Variants in CELSR2 observed in about 807,000 individuals in gnomAD.
The protein encoded by CELSR2 is EGF-like protein 2.
CELSR2 carries 81 observed loss-of-function variants against 251.6 expected under a neutral mutation model. That is an observed-to-expected ratio of 0.32 (90% CI 0.27 to 0.39). The LOEUF (loss-of-function observed/expected upper bound fraction) is 0.39, where lower values mean the gene tolerates loss of function less well. Among genes scored for constraint, CELSR2 ranks in the 10% least tolerant of loss-of-function variants. CELSR2 has a pLI of 1.00. For synonymous variants in CELSR2, 1,721 were observed against 1,670.5 expected, an observed-to-expected ratio of 1.03 and a Z score of -0.74; for missense variants, 3,365 against 3,947.7, an observed-to-expected ratio of 0.85 and a Z score of 3.96.
rs932499934 is a variant in CELSR2, at chr1:109,250,006, C to T, written c.-74C>T. On this transcript the variant is annotated 5_prime_UTR_variant, in exon 1 of 34. Coordinates refer to ENST00000271332, the MANE Select transcript of CELSR2 (RefSeq NM_001408.3). This position sits in a 1 kb window ranked among gnomAD's most constrained non-coding sequence, Gnocchi z 4.4. Reference sequence around the variant, plus strand: ...GGCGCCCTGGCCCGGGCATGAGGCGCGGCGGGGCCGGCAGGAGCCGGAGGA... The same window carrying T: ...GGCGCCCTGGCCCGGGCATGAGGCGTGGCGGGGCCGGCAGGAGCCGGAGGA... 8.1e-7 allele frequency: 1 copy of T among 1,228,806 alleles called. No individual in the cohort carries two copies. The highest frequency in any genetic ancestry group is 1.0e-6 in the Non-Finnish European group (1 of 987,702). The allele number at this position is 1,228,806 out of a possible 1,614,324, so 76.1% of individuals were successfully genotyped here. A position where few individuals can be genotyped will look rare whatever the true frequency, so the allele number is the denominator to read the frequency against.
In CELSR2 at chr1:109,270,606, C is replaced by T. The variant is rs369567221; in HGVS notation, c.7483+6C>T. On this transcript the variant is annotated splice_donor_region_variant and intron_variant, in intron 24 of 33. Transcript: ENST00000271332. Reference sequence around the variant, plus strand: ...CGTGCCTGCCTTCATCACAGGTACTCCCACCCATTCCCAGTCTTGGGGTCC... The same window carrying T: ...CGTGCCTGCCTTCATCACAGGTACTTCCACCCATTCCCAGTCTTGGGGTCC... 6.4e-5 allele frequency: 103 copies of T among 1,611,396 alleles called. No homozygotes were observed. The highest frequency in any genetic ancestry group is 3.2e-4 in the South Asian group (29 of 90,876).
intron 6 of CELSR2, 140 bp downstream of exon 6, chr1:109,262,584 A>C: frequency 7.3e-7 from 1 of 1,371,864 alleles, no homozygotes. Flanking sequence ...TGGGGTCAAG[A>C]CTGGGGAATC....
At chr1:109,271,839 T>C in intron 28 of CELSR2, 117 bp downstream of exon 28, 2 of 1,318,018 alleles carry the variant, frequency 1.5e-6, no homozygotes, top group Non-Finnish European at 2.1e-6. Context: ...TCCTGGAAGG[T>C]GGAAGGGGAG....
In CELSR2 at chr1:109,274,141, T is replaced by C; in HGVS notation, c.*92T>C. On this transcript the variant is annotated 3_prime_UTR_variant, in exon 34 of 34. Transcript: ENST00000271332. ...TGTCTTGTGCTTTATCCTGCCCCGC[T>C]CCCCATCGCCTGCCCGCAGCAGCGA... The C allele has an allele frequency of 1.2e-6, 2 of 1,607,342 alleles. No individual in the cohort carries two copies. The highest frequency in any genetic ancestry group is 2.2e-5 in the East Asian group (1 of 44,734).
Position 109,269,912 on chromosome 1 carries a change from C to T in CELSR2, c.7108-21C>T. On this transcript the variant is annotated intron_variant, in intron 22 of 33. Coordinates refer to ENST00000271332, the MANE Select transcript of CELSR2 (RefSeq NM_001408.3). The surrounding 1 kb of genome is among the most constrained non-coding windows in gnomAD (Gnocchi z 6.4). ...GTCCTGCCCTTCCTAATTCCCTGGC[C>T]CCCTGCCACCTACTCTGCAGAATGG... 3 of 1,614,080 alleles carry T rather than the reference C, an allele frequency of 1.9e-6. No individual in the cohort carries two copies. Among genetic ancestry groups the T allele is most frequent in the African/African-American group, 2.7e-5 (2 of 75,034 alleles).
At chr1:109,263,964 A>G (rs746728277) in intron 9 of CELSR2, 114 bp from the exon 10 acceptor site, 50 of 1,432,924 alleles carry the variant, frequency 3.5e-5, no homozygotes, top group Non-Finnish European at 4.3e-5. Flanking sequence ...TTTCCTCTCT[A>G]TGGCCTCAGC....
Position 109,258,870 on chromosome 1 carries a change from A to G in CELSR2, c.3749A>G (p.Asp1250Gly), listed in dbSNP as rs545225923. 1.9e-6 allele frequency: 3 copies of G among 1,611,512 alleles called. No individual in the cohort carries two copies. Among genetic ancestry groups the G allele is most frequent in the East Asian group, 4.5e-5 (2 of 44,784 alleles). ...YMRCVSVLRF[D>G]SSAPFIASSS... ...CGCTGCGTGTCGGTGCTGCGCTTCG[A>G]CTCCTCCGCGCCCTTCATCGCCTCC... Residue 1250 changes from aspartate (D) to glycine (G), a missense_variant, in exon 2 of 34, where the codon GAC (aspartate) becomes GGC (glycine). Around this residue, in one of 5 missense-constraint regions of CELSR2, gnomAD observed 2,093 missense variants for 2,382.8 expected, o/e 0.88. Transcript: ENST00000271332.
Position 109,250,235 on chromosome 1 carries a change from C to T in CELSR2, c.156C>T (p.Ala52=). Reference sequence around the variant, plus strand: ...GACGAGGCTCTTCGGGGGCCTGCGCCCCCATGGGCTGGCTCTGTCCATCCT... The same window carrying T: ...GACGAGGCTCTTCGGGGGCCTGCGCTCCCATGGGCTGGCTCTGTCCATCCT... ...SRGRGSSGAC[A]PMGWLCPSSA... The change falls in exon 1 of 34, where the codon GCC becomes GCT. Residue 52 remains alanine (A), a synonymous_variant. Coordinates refer to ENST00000271332, the MANE Select transcript of CELSR2 (RefSeq NM_001408.3). This position sits in a 1 kb window ranked among gnomAD's most constrained non-coding sequence, Gnocchi z 4.4. 6.2e-7 allele frequency: 1 copy of T among 1,605,292 alleles called. No individual in the cohort carries two copies. Among genetic ancestry groups the T allele is most frequent in the Non-Finnish European group, 8.5e-7 (1 of 1,176,250 alleles).
Position 109,272,296 on chromosome 1 carries a change from C to G in CELSR2, c.7945C>G (p.Pro2649Ala). The change falls in exon 29 of 34, where the codon CCC becomes GCC. Residue 2649 changes from proline to alanine, a missense_variant. Coordinates refer to ENST00000271332, the MANE Select transcript of CELSR2 (RefSeq NM_001408.3). ...TLTSSYNCPS[P>A]YADGRLYQPY... ...TGCCTAGTCCTACAACTGCCCCAGC[C>G]CCTACGCAGATGGGCGGCTGTACCA... The G allele has an allele frequency of 6.2e-7, 1 of 1,606,774 alleles. No homozygotes were observed. The highest frequency in any genetic ancestry group is 1.1e-5 in the South Asian group (1 of 90,608).
chr1:109,267,755 G>A (rs1656244396), intron 16 of CELSR2, 96 bp from the exon 17 acceptor site: 2 of 1,558,872 alleles, frequency 1.3e-6, no homozygotes, highest in East Asian at 4.6e-5. Context: ...GTGTGTTCCT[G>A]GGCTCCCAGC....
At chr1:109,266,865 G>A (rs1173396357) in intron 15 of CELSR2, among the ~76,000 whole-genome samples, 5 of 150,530 alleles carry the variant, frequency 3.3e-5, no homozygotes, top group African/African-American at 2.4e-5. Flanking sequence ...TACTACAGGC[G>A]TGTGCTACCA....
chr1:109,273,044 G>T lies in CELSR2; in HGVS notation c.8338+17G>T. On this transcript the variant is annotated intron_variant, in intron 31 of 33. Transcript: ENST00000271332. ...CTCCCAAGGGTGGGCCAGCACTGGG[G>T]CTGTGGCCTTTGGGGCCAGTGGGAG... 1 of 1,602,768 alleles carries T rather than the reference G, an allele frequency of 6.2e-7. No individual in the cohort carries two copies. Among genetic ancestry groups the T allele is most frequent in the South Asian group, 1.1e-5 (1 of 89,896 alleles).
Position 109,263,625 on chromosome 1 carries a change from C to A in CELSR2, c.4849C>A (p.Gln1617Lys). 6.2e-7 allele frequency: 1 copy of A among 1,613,934 alleles called. No homozygotes were observed. The highest frequency in any genetic ancestry group is 1.1e-5 in the South Asian group (1 of 91,086). The change falls in exon 9 of 34, where the codon CAG becomes AAG. Residue 1617 changes from glutamine (Q) to lysine (K), a missense_variant. Gln to Lys is a moderately conservative substitution (Grantham distance 53, BLOSUM62 1). Transcript: ENST00000271332. ...TGCCTCCCCAGAAATGGCCAATCCA[C>A]AGCACTTCCTGGGCAGCAGCCTGGT... ...KSCAQEMANP[Q>K]HFLGSSLVAW...
chr1:109,264,299 C>T lies in CELSR2; in HGVS notation c.5223C>T (p.Asn1741=), dbSNP rs200790735. 1.9e-6 allele frequency: 3 copies of T among 1,613,818 alleles called. No homozygotes were observed. Among genetic ancestry groups the T allele is most frequent in the African/African-American group, 1.3e-5 (1 of 75,060 alleles). The change falls in exon 10 of 34, where the codon AAC becomes AAT. Residue 1741 remains asparagine, a synonymous_variant. Coordinates refer to ENST00000271332, the MANE Select transcript of CELSR2 (RefSeq NM_001408.3). The part of the protein sequence containing the change: ...GPRLHGLHLS[N]ITVGGIPGPA... ...GGCTGCATGGTCTGCACCTGAGCAA[C>T]ATAACAGTGGGCGGAATACCTGGGC...
Position 109,258,929 on chromosome 1 carries a change from G to A in CELSR2, c.3808G>A (p.Gly1270Arg). 1.9e-6 allele frequency: 3 copies of A among 1,611,974 alleles called. No individual in the cohort carries two copies. Among genetic ancestry groups the A allele is most frequent in the South Asian group, 1.1e-5 (1 of 90,992 alleles). Residue 1270 changes from glycine (G) to arginine (R), a missense_variant, in exon 2 of 34, where the codon GGA (glycine) becomes AGA (arginine). Gly to Arg is a moderately radical substitution (Grantham distance 125). Around this residue, in one of 5 missense-constraint regions of CELSR2, gnomAD observed 2,093 missense variants for 2,382.8 expected, o/e 0.88. Transcript: ENST00000271332. ...SVLFRPIHPV[G>R]GLRCRCPPGF... Reference sequence around the variant, plus strand: ...GCTCTTCCGGCCCATCCACCCCGTCGGAGGGCTGCGCTGCCGCTGCCCGCC... The same window carrying A: ...GCTCTTCCGGCCCATCCACCCCGTCAGAGGGCTGCGCTGCCGCTGCCCGCC...
chr1:109,269,101 C>G lies in CELSR2; in HGVS notation c.6632-9C>G. ...GGGCCCAGCTAAGTGTGACAGTGTC[C>G]CCTCCCAGAGACGCCCCCCGTGGTC... On this transcript the variant is annotated splice_polypyrimidine_tract_variant and intron_variant, in intron 19 of 33. Transcript: ENST00000271332. This position sits in a 1 kb window ranked among gnomAD's most constrained non-coding sequence, Gnocchi z 6.4. The G allele has an allele frequency of 6.3e-7, 1 of 1,598,286 alleles. No homozygotes were observed. Among genetic ancestry groups the G allele is most frequent in the Non-Finnish European group, 8.5e-7 (1 of 1,171,200 alleles).
intron 23 of CELSR2, 76 bp downstream of exon 23, chr1:109,270,209 C>A: frequency 6.7e-7 from 1 of 1,482,320 alleles, no homozygotes; most frequent in Non-Finnish European, 9.3e-7. Context: ...GCAACCCCTG[C>A]TCCTGCACCA....
At position 109,272,309 on chromosome 1, in the gene CELSR2, G is replaced by A. The variant is rs1022108188; in HGVS notation, c.7958G>A (p.Gly2653Glu). The A allele has an allele frequency of 1.2e-6, 2 of 1,608,782 alleles. No homozygotes were observed. The highest frequency in any genetic ancestry group is 1.7e-6 in the Non-Finnish European group (2 of 1,176,102). Residue 2653 changes from glycine (G) to glutamate (E), a missense_variant, in exon 29 of 34, where the codon GGG (glycine) becomes GAG (glutamate). By Grantham distance (98) the Gly-to-Glu change is moderately conservative. Transcript: ENST00000271332. Reference protein sequence around the residue: ...SYNCPSPYADGRLYQPYGDSA... With the variant: ...SYNCPSPYADERLYQPYGDSA... ...AACTGCCCCAGCCCCTACGCAGATG[G>A]GCGGCTGTACCAGCCCTACGGAGAC...
At chr1:109,264,656 A>T (rs746815869) in intron 11 of CELSR2, 28 bp downstream of exon 11, 1 of 1,600,688 alleles carries the variant, frequency 6.2e-7, no homozygotes. Flanking sequence ...GGCAACGGGC[A>T]GGTTATCAGG....
Sources: allele counts gnomAD v4.1 joint callset (sites outside exome capture counted in the v4.1 genomes callset), GRCh38; gene constraint gnomAD v4.1.1; regional missense constraint gnomAD v4.1.1; non-coding constraint Gnocchi (gnomAD v3.1); transcripts MANE v1.5; gene names NCBI Gene and HGNC (gene_info 2026-07-23, HGNC 2026-07-21).